Variants in PATJ observed in about 807,000 individuals in gnomAD.
PATJ encodes PATJ crumbs cell polarity complex component.
In PATJ, 190 loss-of-function variants were observed where a neutral mutation model predicts 224.9. The ratio of observed to expected loss-of-function variants is 0.84; its 90% CI spans 0.75 to 0.95. PATJ has a LOEUF of 0.95. Among genes scored for constraint, PATJ ranks in the 40% least tolerant of loss-of-function variants. PATJ has a pLI of 0.00. For synonymous variants in PATJ, 769 were observed against 820.3 expected (o/e 0.94, Z 1.07); for missense variants, 2,121 against 2,270.3 (o/e 0.93, Z 1.34).
At chr1:61,875,641 G>A (rs1667242179) in intron 21 of PATJ, 1 of 250,710 alleles carries the variant, frequency 4.0e-6, no homozygotes, top group Non-Finnish European at 7.7e-6. Context: ...ACTCAGACTA[G>A]AACCTTACAC....
At chr1:61,762,802 A>T in intron 1 of PATJ, 56 bp from the exon 2 acceptor site, 1 of 749,808 alleles carries the variant, frequency 1.3e-6, no homozygotes, top group Non-Finnish European at 2.2e-6. Context: ...TTTCTACAGG[A>T]TTGTAGCCAT....
At position 61,808,391 on chromosome 1, in the gene PATJ, G is replaced by A. The variant is rs527647825; in HGVS notation, c.1627-83G>A. The A allele has an allele frequency of 6.2e-6, 5 of 809,768 alleles. No individual in the cohort carries two copies. The Admixed American group carries it at 8.4e-5, about 14-fold the overall frequency. The allele number at this position is 809,768 out of a possible 1,614,324, so 50.2% of individuals were successfully genotyped here. A position where few individuals can be genotyped will look rare whatever the true frequency, so the allele number is the denominator to read the frequency against. ...GGTCAAATAGAGTTATCAATATATA[G>A]GTTTTACAGATATTTTCAGAAAATG... On this transcript the variant is annotated intron_variant, in intron 13 of 43. Coordinates refer to ENST00000642238, the MANE Select transcript of PATJ (RefSeq NM_001350145.3).
At chr1:61,922,276 A>C (rs902352134) in intron 26 of PATJ, among the ~76,000 whole-genome samples, 6 of 152,046 alleles carry the variant, frequency 3.9e-5, no homozygotes, top group African/African-American at 1.4e-4. Context: ...AACTCCTGAC[A>C]TCAGGCGATC....
chr1:62,070,089 G>C (rs1016249989), intron 31 of PATJ, among the ~76,000 whole-genome samples: 16 of 152,104 alleles, frequency 1.1e-4, no homozygotes, highest in Admixed American at 2.6e-4. Context: ...GGGAAGTCAG[G>C]TCCTTTGTCC....
At chr1:61,990,810 G>A (rs1223901215) in intron 28 of PATJ, among the ~76,000 whole-genome samples, 2 of 152,100 alleles carry the variant, frequency 1.3e-5, no homozygotes, top group African/African-American at 4.8e-5. Flanking sequence ...AAAAATAATA[G>A]TTAATGTCTG....
chr1:62,000,694 G>A (rs978322231), intron 28 of PATJ, among the ~76,000 whole-genome samples: 1 of 150,674 alleles, frequency 6.6e-6, no homozygotes, highest in Non-Finnish European at 1.5e-5. Flanking sequence ...ATGATTTATA[G>A]TCCTTTGGGT....
chr1:61,793,081 T>C (rs1027445432), intron 9 of PATJ, among the ~76,000 whole-genome samples: 3 of 152,056 alleles, frequency 2.0e-5, no homozygotes, highest in African/African-American at 7.2e-5. Flanking sequence ...TATCATTTTT[T>C]TTCTTTTCTG....
chr1:62,120,221 T>C (rs567313427), intron 37 of PATJ, among the ~76,000 whole-genome samples: 1 of 152,300 alleles, frequency 6.6e-6, no homozygotes, highest in East Asian at 1.9e-4. Context: ...AAAGGAAATA[T>C]AGCAAAATAC....
At chr1:62,040,406 A>G (rs1241971160) in intron 30 of PATJ, among the ~76,000 whole-genome samples, 1 of 152,072 alleles carries the variant, frequency 6.6e-6, no homozygotes, top group Non-Finnish European at 1.5e-5. Flanking sequence ...CTATGTTTGC[A>G]TTTCTAAAGG....
intron 25 of PATJ, among the ~76,000 whole-genome samples, chr1:61,910,037 G>C (rs1239468838): frequency 6.6e-6 from 1 of 152,174 alleles, no homozygotes; most frequent in East Asian, 1.9e-4. Flanking sequence ...AATTCAATAA[G>C]AATTTTTAGA....
chr1:62,082,997 A>G (rs1659473170), intron 32 of PATJ, among the ~76,000 whole-genome samples: 1 of 152,152 alleles, frequency 6.6e-6, no homozygotes, highest in African/African-American at 2.4e-5. Context: ...TGGTGATCAA[A>G]CTCAGTTATC....
intron 27 of PATJ, among the ~76,000 whole-genome samples, chr1:61,962,091 C>T (rs1195629681): frequency 2.0e-5 from 3 of 152,022 alleles, no homozygotes; most frequent in Non-Finnish European, 4.4e-5. Context: ...TCCTGACTCT[C>T]TCAGTTAGAA....
intron 8 of PATJ, among the ~76,000 whole-genome samples, chr1:61,790,376 TTG>T (rs1164870735): frequency 6.6e-6 from 1 of 152,120 alleles, no homozygotes; most frequent in African/African-American, 2.4e-5. Flanking sequence ...CTTTCTATTG[TTG>T]TATAACAAAT....
rs528969420 is a variant in PATJ, at chr1:61,955,815, C to T, written c.3670+27986C>T. On this transcript the variant is annotated intron_variant, in intron 27 of 43. Transcript: ENST00000642238. ...GTACTTTTAAGAAGTTTTAATTTTTCGTGTCTTCATGCATCTTCTCAAGTA... is the reference window on the plus strand; with the variant it reads ...GTACTTTTAAGAAGTTTTAATTTTTTGTGTCTTCATGCATCTTCTCAAGTA... Among the ~76,000 whole-genome samples the T allele has an allele frequency of 4.6e-5, 7 of 152,202 alleles. 1 individual carries two copies. The highest frequency in any genetic ancestry group is 4.1e-4 in the South Asian group (2 of 4,828).
At chr1:61,887,916 G>A (rs1669108864) in intron 22 of PATJ, among the ~76,000 whole-genome samples, 1 of 152,304 alleles carries the variant, frequency 6.6e-6, no homozygotes, top group African/African-American at 2.4e-5. Context: ...TGTGATTTTT[G>A]TGTTGACATG....
In PATJ at chr1:62,116,703, C is replaced by T. The variant is rs371838306; in HGVS notation, c.4803+24C>T. 2.5e-6 allele frequency: 4 copies of T among 1,590,910 alleles called. No homozygotes were observed. The South Asian group carries it at 3.4e-5, about 13-fold the overall frequency. On this transcript the variant is annotated intron_variant, in intron 36 of 43. Coordinates refer to ENST00000642238, the MANE Select transcript of PATJ (RefSeq NM_001350145.3). ...AGGTGAGTTGCTAGGCTGCTTTTTA[C>T]CCAGCTGGCACAACTGAAGTCCAGT...
At chr1:61,831,512 T>C (rs1457239111) in intron 16 of PATJ, among the ~76,000 whole-genome samples, 1 of 152,032 alleles carries the variant, frequency 6.6e-6, no homozygotes, top group Middle Eastern at 3.2e-3. Context: ...CATTAAAAAA[T>C]GGGCAAAGGA....
intron 15 of PATJ, among the ~76,000 whole-genome samples, chr1:61,825,190 G>A (rs771111820): frequency 4.6e-5 from 7 of 152,136 alleles, no homozygotes; most frequent in Admixed American, 1.3e-4. Flanking sequence ...TTGGGGTATT[G>A]GCAATATTAT....
chr1:62,144,777 A>AAAATATATAT lies in PATJ; in HGVS notation c.5272-3506_5272-3505insAATATATATA, dbSNP rs377489788. Among the ~76,000 whole-genome samples the AAAATATATAT allele has an allele frequency of 2.9e-3, 347 of 119,072 alleles. 13 individuals are homozygous for AAAATATATAT. Among genetic ancestry groups the AAAATATATAT allele is most frequent in the African/African-American group, 9.4e-3 (274 of 29,288 alleles). The allele number at this position is 119,072 out of a possible 152,430, so 78.1% of individuals were successfully genotyped here. A position where few individuals can be genotyped will look rare whatever the true frequency, so the allele number is the denominator to read the frequency against. ...TAGAATGTTATTTGCAAAAAAAAAA[A>AAAATATATAT]ATATATATATATATATATAATTAGC... On this transcript the variant is annotated intron_variant, in intron 41 of 43. Coordinates refer to ENST00000642238, the MANE Select transcript of PATJ (RefSeq NM_001350145.3).
Sources: gnomAD v4.1 joint callset for allele counts (sites outside exome capture counted in the v4.1 genomes callset) on GRCh38, gnomAD v4.1.1 for gene constraint, MANE v1.5 for transcripts, NCBI Gene and HGNC (gene_info 2026-07-23, HGNC 2026-07-21) for gene names.